Variants in AIG1 observed in about 807,000 individuals in gnomAD.
AIG1 encodes the protein androgen-induced gene 1 protein.
In AIG1, 23 loss-of-function variants were observed where a neutral mutation model predicts 31.4. The ratio of observed to expected loss-of-function variants is 0.73; its 90% CI spans 0.53 to 1.04. The LOEUF (loss-of-function observed/expected upper bound fraction) is 1.04, where lower values mean the gene tolerates loss of function less well. Among genes scored for constraint, AIG1 ranks in the 50% least tolerant of loss-of-function variants. The pLI is 0.00. For missense variants in AIG1, 274 were observed against 295.0 expected (o/e 0.93, Z 0.52); for synonymous variants, 100 against 110.5 (o/e 0.90, Z 0.60).
rs574130332 is a variant in AIG1, at chr6:143,307,163, G to A, written c.515+22938G>A. The stretch of plus-strand genomic sequence containing the variant: ...TGGTTTGAATTTCCTCCTGTAGCTC[G>A]GAGTAGTTTGATTGTCTGAAGCCTT... On this transcript the variant is annotated intron_variant, in intron 4 of 5. Coordinates refer to ENST00000357847, the MANE Select transcript of AIG1 (RefSeq NM_016108.4). Among the ~76,000 whole-genome samples the A allele has an allele frequency of 1.0e-2, 1,515 of 152,100 alleles. 20 individuals carry two copies. Among genetic ancestry groups the A allele is most frequent in the African/African-American group, 0.035 (1,433 of 41,456 alleles).
At chr6:143,337,126 C>T (rs1191522638) in intron 5 of AIG1, among the ~76,000 whole-genome samples, 2 of 152,216 alleles carry the variant, frequency 1.3e-5, no homozygotes, top group African/African-American at 4.8e-5. Flanking sequence ...TAGTTCTACC[C>T]TCTACAACCA....
At position 143,306,171 on chromosome 6, in the gene AIG1, C is replaced by T. The variant is rs896191812; in HGVS notation, c.515+21946C>T. ...TACAGCACACTGATGGGTCTTGACTCTTTATCCAATTTACCAGTCTGTGTC... is the reference window on the plus strand; with the variant it reads ...TACAGCACACTGATGGGTCTTGACTTTTTATCCAATTTACCAGTCTGTGTC... On this transcript the variant is annotated intron_variant, in intron 4 of 5. Transcript: ENST00000357847. Among the ~76,000 whole-genome samples, 115 of 151,890 alleles carry T rather than the reference C, an allele frequency of 7.6e-4. 1 individual carries two copies. The highest frequency in any genetic ancestry group is 3.4e-3 in the Middle Eastern group (1 of 294).
intron 3 of AIG1, among the ~76,000 whole-genome samples, chr6:143,267,399 C>T (rs1275583214): frequency 6.6e-6 from 1 of 152,188 alleles, no homozygotes; most frequent in African/African-American, 2.4e-5. Flanking sequence ...CTTTCATAAT[C>T]CATAAGCTGC....
chr6:143,061,585 T>C (rs1054762897), intron 1 of AIG1: 10 of 294,168 alleles, frequency 3.4e-5, no homozygotes, highest in African/African-American at 1.5e-4. Flanking sequence ...AATAAAGTTG[T>C]CTTCTTTGCA....
intron 1 of AIG1, among the ~76,000 whole-genome samples, chr6:143,132,082 T>C (rs1783294619): frequency 6.6e-6 from 1 of 152,260 alleles, no homozygotes; most frequent in Non-Finnish European, 1.5e-5. Flanking sequence ...GTTGTTATTA[T>C]AAATTTTACT....
chr6:143,079,123 G>A (rs575772654), intron 1 of AIG1, among the ~76,000 whole-genome samples: 5 of 152,012 alleles, frequency 3.3e-5, no homozygotes, highest in African/African-American at 9.7e-5. Flanking sequence ...AAAACAAAAC[G>A]TATTTTCTCT....
intron 2 of AIG1, among the ~76,000 whole-genome samples, chr6:143,138,051 T>G (rs372537724): frequency 2.0e-4 from 31 of 152,342 alleles, no homozygotes; most frequent in African/African-American, 7.0e-4. Context: ...GACACTCAGA[T>G]GGTCACTGAA....
At chr6:143,259,186 C>G (rs1393281675) in intron 3 of AIG1, among the ~76,000 whole-genome samples, 1 of 152,178 alleles carries the variant, frequency 6.6e-6, no homozygotes, top group African/African-American at 2.4e-5. Flanking sequence ...GACTTTCCAG[C>G]CACCAGAATT....
intron 1 of AIG1, among the ~76,000 whole-genome samples, chr6:143,085,001 C>A (rs1161883540): frequency 6.6e-6 from 1 of 152,188 alleles, no homozygotes; most frequent in African/African-American, 2.4e-5. Context: ...TACGGTGGCA[C>A]TTCTCTCATT....
In AIG1 at chr6:143,060,999, AG is replaced by A. The variant is rs771373130; in HGVS notation, c.76del (p.Ala26ProfsTer17). The A allele has an allele frequency of 1.2e-6, 2 of 1,613,412 alleles. No homozygotes were observed. Among genetic ancestry groups the A allele is most frequent in the South Asian group, 2.2e-5 (2 of 91,070 alleles). ...TACTGCTCTATCCTGTGTAACTACA[AG>A]GCCATCGAAATGCCCTCACACCAGA... ...LSYCSILCNY[K>X]AIEMPSHQTY... On this transcript the variant is annotated frameshift_variant, in exon 1 of 6. Transcript: ENST00000357847. LOFTEE classifies it high-confidence loss of function.
At chr6:143,109,465 A>G (rs1781084887) in intron 1 of AIG1, among the ~76,000 whole-genome samples, 1 of 152,238 alleles carries the variant, frequency 6.6e-6, no homozygotes, top group Non-Finnish European at 1.5e-5. Flanking sequence ...TTAACAATTT[A>G]CATTCCCTGC....
intron 4 of AIG1, among the ~76,000 whole-genome samples, chr6:143,303,939 C>T (rs1165051371): frequency 6.7e-6 from 1 of 148,318 alleles, no homozygotes; most frequent in Non-Finnish European, 1.5e-5. Flanking sequence ...AGAGGTGCTT[C>T]ACATCCCTTG....
intron 3 of AIG1, among the ~76,000 whole-genome samples, chr6:143,221,590 C>A (rs1287745222): frequency 6.6e-6 from 1 of 152,130 alleles, no homozygotes; most frequent in East Asian, 1.9e-4. Flanking sequence ...TGTTCTAAAT[C>A]TTTTACTTGG....
At chr6:143,059,825 A>T (rs1175243477), upstream of AIG1, among the ~76,000 whole-genome samples, 2 of 152,244 alleles carry the variant, frequency 1.3e-5, no homozygotes, top group Non-Finnish European at 2.9e-5. Flanking sequence ...GCCTTTTCAT[A>T]ATCCGAACCT....
At chr6:143,173,066 G>A (rs1261340700) in intron 3 of AIG1, among the ~76,000 whole-genome samples, 2 of 149,444 alleles carry the variant, frequency 1.3e-5, no homozygotes, top group African/African-American at 4.9e-5. Flanking sequence ...ACTTCATTTA[G>A]TTTTTTTTTG....
intron 3 of AIG1, among the ~76,000 whole-genome samples, chr6:143,235,267 GT>G (rs933674225): frequency 7.3e-5 from 11 of 150,182 alleles, no homozygotes; most frequent in East Asian, 3.9e-4. Context: ...TTCCATGCAA[GT>G]TTTTTTTTTC....
chr6:143,306,572 T>C (rs951550409), intron 4 of AIG1, among the ~76,000 whole-genome samples: 3 of 152,234 alleles, frequency 2.0e-5, no homozygotes, highest in African/African-American at 7.2e-5. Flanking sequence ...AGAGATCCAC[T>C]GTTAGTCTGA....
intron 1 of AIG1, among the ~76,000 whole-genome samples, chr6:143,128,459 C>T (rs1782892327): frequency 6.6e-6 from 1 of 152,116 alleles, no homozygotes; most frequent in African/African-American, 2.4e-5. Context: ...AGACATGATA[C>T]ATTTGACCAC....
In AIG1 at chr6:143,177,164, T is replaced by G. The variant is rs778545827; in HGVS notation, c.399+11981T>G. ...TTCTGTTTCGTTCTTTTTAATGATA[T>G]CTATTTTTAAAAATTTCTCATTCAG... On this transcript the variant is annotated intron_variant, in intron 3 of 5. Coordinates refer to ENST00000357847, the MANE Select transcript of AIG1 (RefSeq NM_016108.4). Among the ~76,000 whole-genome samples the G allele has an allele frequency of 2.0e-5, 3 of 152,240 alleles. No individual in the cohort carries two copies. The East Asian group carries it at 5.8e-4, about 29-fold the overall frequency.
Sources: gnomAD v4.1 joint callset for allele counts (sites outside exome capture counted in the v4.1 genomes callset) on GRCh38, gnomAD v4.1.1 for gene constraint, MANE v1.5 for transcripts, NCBI Gene and HGNC (gene_info 2026-07-23, HGNC 2026-07-21) for gene names.